ASAP1: variants seen among roughly 807,000 people sequenced by gnomAD.
The protein encoded by ASAP1 is ArfGAP with SH3 domain, ankyrin repeat and PH domain 1, also known as arf-GAP with SH3 domain, ANK repeat and PH domain-containing protein 1.
ASAP1 carries 43 observed loss-of-function variants against 145.2 expected under a neutral mutation model. The observed-to-expected ratio is 0.30, with a 90% CI of 0.23 to 0.38. ASAP1 has a LOEUF of 0.38. Among genes scored for constraint, ASAP1 ranks in the 10% least tolerant of loss-of-function variants. ASAP1 has a pLI of 1.00. For synonymous variants in ASAP1, 546 were observed against 515.5 expected (o/e 1.06, Z -0.80); for missense variants, 1,018 against 1,355.3 (o/e 0.75, Z 3.91).
chr8:130,375,083 T>C (rs539118164), intron 2 of ASAP1, among the ~76,000 whole-genome samples: 141 of 152,280 alleles, frequency 9.3e-4, no homozygotes, highest in Non-Finnish European at 1.6e-3. Flanking sequence ...AACTGCTCCA[T>C]ATTGCCACTC....
At chr8:130,240,611 C>T (rs774748366) in intron 3 of ASAP1, among the ~76,000 whole-genome samples, 4 of 152,092 alleles carry the variant, frequency 2.6e-5, no homozygotes, top group Middle Eastern at 3.4e-3. Context: ...AAAACGTGTG[C>T]GGGCATTTCT....
chr8:130,233,907 C>CA (rs1387782259), intron 4 of ASAP1, among the ~76,000 whole-genome samples: 1 of 152,126 alleles, frequency 6.6e-6, no homozygotes, highest in Admixed American at 6.6e-5. Flanking sequence ...CTAGTCTTAT[C>CA]AAAAAACTCA....
chr8:130,125,923 T>C (rs771734381), intron 17 of ASAP1, 33 bp downstream of exon 17: 44 of 1,579,408 alleles, frequency 2.8e-5, no homozygotes, highest in Non-Finnish European at 3.8e-5. Context: ...ATGACAATAA[T>C]ATCATTCTTC....
intron 9 of ASAP1, among the ~76,000 whole-genome samples, chr8:130,178,386 C>T (rs1221551382): frequency 6.6e-6 from 1 of 152,084 alleles, no homozygotes; most frequent in African/African-American, 2.4e-5. Context: ...TGAAAGTTAA[C>T]CCAATAAGTA....
chr8:130,388,089 C>T (rs75103912), intron 2 of ASAP1, among the ~76,000 whole-genome samples: 14,426 of 152,192 alleles, frequency 0.095, 874 homozygotes, highest in South Asian at 0.28. Flanking sequence ...CAGGATGTGA[C>T]GACCATGGAG....
chr8:130,086,567 G>A (rs1441324756), intron 25 of ASAP1, among the ~76,000 whole-genome samples: 1 of 152,232 alleles, frequency 6.6e-6, no homozygotes, highest in Non-Finnish European at 1.5e-5. Context: ...CACTTTGGGA[G>A]GCCAAGGCAG....
intron 3 of ASAP1, among the ~76,000 whole-genome samples, chr8:130,243,397 C>A (rs1467119531): frequency 6.6e-6 from 1 of 152,104 alleles, no homozygotes; most frequent in Non-Finnish European, 1.5e-5. Context: ...ATAGAAGATG[C>A]TTTGTAAGGA....
rs1231540080 is a variant in ASAP1 at position 130,373,117 on chromosome 8, C to T, written c.60-14974G>A. Among the ~76,000 whole-genome samples, 572 of 93,116 alleles carry T rather than the reference C, an allele frequency of 6.1e-3. 5 individuals carry two copies. Among genetic ancestry groups the T allele is most frequent in the African/African-American group, 0.024 (552 of 23,104 alleles). The allele number at this position is 93,116 out of a possible 152,430, so 61.1% of individuals were successfully genotyped here. A position where few individuals can be genotyped will look rare whatever the true frequency, so the allele number is the denominator to read the frequency against. The stretch of plus-strand genomic sequence containing the variant: ...ACACACACAGAAATACATATACACA[C>T]ACACACACACACACACACACACACA... On this transcript the variant is annotated intron_variant, in intron 2 of 29. Transcript: ENST00000518721.
chr8:130,339,175 C>A (rs1825221625), intron 3 of ASAP1, among the ~76,000 whole-genome samples: 1 of 152,208 alleles, frequency 6.6e-6, no homozygotes, highest in Non-Finnish European at 1.5e-5. Context: ...AATCATCTCA[C>A]CTGGACTCAA....
rs2097560085 is a variant in ASAP1, at chr8:130,118,486, T to C, written c.1794+3A>G. On this transcript the variant is annotated splice_donor_region_variant and intron_variant, in intron 19 of 29. Transcript: ENST00000518721. ...TTATCCAATGATTTTAGTGAGGCCT[T>C]ACCTGCCCAGGTTCCAGCAGTGGTT... 1.2e-6 allele frequency: 2 copies of C among 1,602,656 alleles called. No homozygotes were observed. The highest frequency in any genetic ancestry group is 1.7e-6 in the Non-Finnish European group (2 of 1,173,696).
In ASAP1 at chr8:130,276,728, A is replaced by ACACACTCTCTCTCTCTCTCTCTCT. The variant is rs548512902; in HGVS notation, c.187-39735_187-39734insAGAGAGAGAGAGAGAGAGAGTGTG. Among the ~76,000 whole-genome samples, 13 of 87,314 alleles carry ACACACTCTCTCTCTCTCTCTCTCT rather than the reference A, an allele frequency of 1.5e-4. No homozygotes were observed. The South Asian group carries it at 2.3e-3, about 16-fold the overall frequency. 57.3% of individuals were successfully genotyped at this position (87,314 alleles called of 152,430 possible). A position where few individuals can be genotyped will look rare whatever the true frequency, so the allele number is the denominator to read the frequency against. Reference sequence around the variant, plus strand: ...CACACACACACACACACACACACACACTCTCTCTCTCTCTCTCTCTCTCTC... The same window carrying ACACACTCTCTCTCTCTCTCTCTCT: ...CACACACACACACACACACACACACACACACTCTCTCTCTCTCTCTCTCTCTCTCTCTCTCTCTCTCTCTCTCTC... On this transcript the variant is annotated intron_variant, in intron 3 of 29. Transcript: ENST00000518721.
chr8:130,262,453 AGAG>A (rs1313752944), intron 3 of ASAP1, among the ~76,000 whole-genome samples: 10 of 99,786 alleles, frequency 1.0e-4, no homozygotes, highest in African/African-American at 3.3e-4. Flanking sequence ...AGAGAGAGAG[AGAG>A]AACCTGTGGA....
At position 130,061,006 on chromosome 8, in the gene ASAP1, T is replaced by C; in HGVS notation, c.2765A>G (p.Gln922Arg). The C allele has an allele frequency of 6.4e-7, 1 of 1,562,196 alleles. No homozygotes were observed. The change falls in exon 28 of 30, where the codon CAG (glutamine) becomes CGG (arginine). Residue 922 changes from glutamine to arginine, a missense_variant. Transcript: ENST00000518721. ...CAACTCTGCCAACTGTGATGATTTC[T>C]GAAAGATTTCGGGCGGGATGGTGGC... The part of the protein sequence containing the change: ...DKATIPPEIF[Q>R]KSSQLAELPQ...
At chr8:130,334,715 C>A (rs1414234380) in intron 3 of ASAP1, among the ~76,000 whole-genome samples, 2 of 152,180 alleles carry the variant, frequency 1.3e-5, no homozygotes, top group African/African-American at 4.8e-5. Context: ...ACACTTTTGG[C>A]AGCCATGTGC....
chr8:130,071,657 G>A (rs1164689736), intron 27 of ASAP1, among the ~76,000 whole-genome samples: 2 of 152,190 alleles, frequency 1.3e-5, no homozygotes, highest in African/African-American at 4.8e-5. Context: ...GGCAAGAGAT[G>A]ACACTGCCTC....
intron 9 of ASAP1, among the ~76,000 whole-genome samples, chr8:130,174,236 C>T (rs770744160): frequency 2.0e-5 from 3 of 151,900 alleles, no homozygotes; most frequent in Non-Finnish European, 4.4e-5. Context: ...CCAAAGTGGA[C>T]ATTTTCTAGT....
chr8:130,122,689 G>A (rs2097568483), intron 18 of ASAP1, among the ~76,000 whole-genome samples: 1 of 152,230 alleles, frequency 6.6e-6, no homozygotes, highest in African/African-American at 2.4e-5. Context: ...AACTCCAGCA[G>A]TCTGGCTTCA....
At chr8:130,069,727 C>CTA (rs1475878163) in intron 27 of ASAP1, 2 of 152,172 alleles carry the variant, frequency 1.3e-5, no homozygotes, top group Non-Finnish European at 2.9e-5. Context: ...TTAAACGGCC[C>CTA]TAACCCAGTT....
At chr8:130,376,662 G>T (rs902141096) in intron 2 of ASAP1, among the ~76,000 whole-genome samples, 2 of 152,066 alleles carry the variant, frequency 1.3e-5, no homozygotes, top group Non-Finnish European at 2.9e-5. Context: ...GGAGTCAGGG[G>T]TTGCAGTGAG....
Sources: allele counts gnomAD v4.1 joint callset (sites outside exome capture counted in the v4.1 genomes callset), GRCh38; gene constraint gnomAD v4.1.1; transcripts MANE v1.5; gene names NCBI Gene and HGNC (gene_info 2026-07-23, HGNC 2026-07-21).